SMAP1: variants seen among roughly 807,000 people sequenced by gnomAD.
SMAP1 encodes the protein small ArfGAP 1.
A neutral mutation model predicts 58.5 loss-of-function variants in SMAP1; 24 were observed. That is an observed-to-expected ratio of 0.41 (90% CI 0.30 to 0.58). The LOEUF (loss-of-function observed/expected upper bound fraction) is 0.58, where lower values mean the gene tolerates loss of function less well. SMAP1 is among the 20% of genes least tolerant of loss of function. The pLI, the probability that SMAP1 is intolerant of heterozygous loss-of-function variation, is 0.29. For missense variants in SMAP1, 563 were observed against 566.3 expected (o/e 0.99, Z 0.06); for synonymous variants, 216 against 196.6 (o/e 1.10, Z -0.82).
intron 1 of SMAP1, among the ~76,000 whole-genome samples, chr6:70,729,491 G>GTGTGTGTGTA (rs1287566747): frequency 3.3e-5 from 5 of 150,560 alleles, no homozygotes; most frequent in African/African-American, 7.3e-5. Context: ...GTGTGTGTGT[G>GTGTGTGTGTA]TGTATGTGTG....
intron 10 of SMAP1, 35 bp from the exon 11 acceptor site, chr6:70,860,165 A>G: frequency 6.4e-7 from 1 of 1,552,404 alleles, no homozygotes; most frequent in Non-Finnish European, 8.7e-7. Context: ...AAGTGAAGTA[A>G]GCCTCTTGAA....
chr6:70,746,202 A>G (rs1766025161), intron 2 of SMAP1, among the ~76,000 whole-genome samples: 1 of 152,148 alleles, frequency 6.6e-6, no homozygotes, highest in South Asian at 2.1e-4. Flanking sequence ...AGAACTTCCA[A>G]CACTATGTTG....
intron 6 of SMAP1, among the ~76,000 whole-genome samples, chr6:70,806,385 G>A (rs1376584878): frequency 6.6e-6 from 1 of 152,214 alleles, no homozygotes; most frequent in African/African-American, 2.4e-5. Context: ...TTAGGCAGGA[G>A]TGTCCCGTTT....
intron 3 of SMAP1, among the ~76,000 whole-genome samples, chr6:70,766,194 C>T (rs1406098881): frequency 6.6e-6 from 1 of 152,022 alleles, no homozygotes; most frequent in Non-Finnish European, 1.5e-5. Flanking sequence ...TGAATAGTGC[C>T]ACAATAAACA....
chr6:70,800,317 A>G (rs1768789423), intron 6 of SMAP1, among the ~76,000 whole-genome samples: 1 of 152,076 alleles, frequency 6.6e-6, no homozygotes, highest in Non-Finnish European at 1.5e-5. Context: ...GAAGGGAATA[A>G]AAAACAAAAA....
At chr6:70,797,620 C>G (rs1168805819) in intron 5 of SMAP1, among the ~76,000 whole-genome samples, 1 of 152,120 alleles carries the variant, frequency 6.6e-6, no homozygotes, top group African/African-American at 2.4e-5. Flanking sequence ...ATTTCTCTCA[C>G]ATTATGGCCT....
chr6:70,746,357 A>C (rs529722303), intron 2 of SMAP1, among the ~76,000 whole-genome samples: 1 of 152,264 alleles, frequency 6.6e-6, no homozygotes, highest in East Asian at 1.9e-4. Flanking sequence ...ATCAATACCT[A>C]GTTTATTGAG....
intron 1 of SMAP1, among the ~76,000 whole-genome samples, chr6:70,685,018 G>A (rs920141069): frequency 1.3e-5 from 2 of 152,162 alleles, no homozygotes; most frequent in African/African-American, 4.8e-5. Flanking sequence ...CATGTAGAAT[G>A]GTAATACCTG....
chr6:70,788,971 C>G (rs1200400976), intron 4 of SMAP1, among the ~76,000 whole-genome samples: 1 of 152,102 alleles, frequency 6.6e-6, no homozygotes, highest in Admixed American at 6.6e-5. Flanking sequence ...TGATGATTTC[C>G]TACTAGAGAT....
intron 4 of SMAP1, 120 bp from the exon 5 acceptor site, chr6:70,791,569 A>T: frequency 1.5e-6 from 1 of 671,578 alleles, no homozygotes; most frequent in Non-Finnish European, 2.5e-6. Context: ...CTTTATTAAC[A>T]TGCCTCTAAG....
chr6:70,860,447 A>T lies in SMAP1; in HGVS notation c.*113A>T. 8.0e-7 allele frequency: 1 copy of T among 1,256,924 alleles called. No homozygotes were observed. Among genetic ancestry groups the T allele is most frequent in the Non-Finnish European group, 1.1e-6 (1 of 922,036 alleles). The allele number at this position is 1,256,924 out of a possible 1,614,324, so 77.9% of individuals were successfully genotyped here. On this transcript the variant is annotated 3_prime_UTR_variant, in exon 11 of 11. Transcript: ENST00000370455. ...TTTTTTTCTTTTTACCCATTTGTTC[A>T]TATTAAGAATGATCTGATTGACCGT...
chr6:70,857,980 G>A lies in SMAP1; in HGVS notation c.1020G>A (p.Gln340=). Residue 340 remains glutamine (Q), a synonymous_variant, in exon 10 of 11, where the codon CAG becomes CAA. Transcript: ENST00000370455. ...PFTSQAPAAF[Q]GFPSMGVPVP... The stretch of plus-strand genomic sequence containing the variant: ...CCTCACAAGCACCAGCTGCATTTCA[G>A]GGCTTTCCATCGATGGGCGTGCCTG... The A allele has an allele frequency of 6.2e-7, 1 of 1,614,124 alleles. No individual in the cohort carries two copies. The highest frequency in any genetic ancestry group is 8.5e-7 in the Non-Finnish European group (1 of 1,180,004).
intron 3 of SMAP1, among the ~76,000 whole-genome samples, chr6:70,760,883 A>G (rs940205580): frequency 4.6e-5 from 7 of 152,088 alleles, no homozygotes; most frequent in African/African-American, 1.4e-4. Flanking sequence ...GGTTAATTAT[A>G]GGCTGCATGT....
At chr6:70,775,476 C>G (rs1423270345) in intron 4 of SMAP1, among the ~76,000 whole-genome samples, 1 of 151,962 alleles carries the variant, frequency 6.6e-6, no homozygotes, top group Non-Finnish European at 1.5e-5. Flanking sequence ...GTAAAAATTC[C>G]TTCATTTATA....
chr6:70,711,185 A>G (rs547540484), intron 1 of SMAP1, among the ~76,000 whole-genome samples: 67 of 152,336 alleles, frequency 4.4e-4, no homozygotes, highest in African/African-American at 1.5e-3. Context: ...TATCAAGTAC[A>G]TAATTGTGTG....
At chr6:70,703,773 T>C (rs1026618283) in intron 1 of SMAP1, among the ~76,000 whole-genome samples, 1 of 152,204 alleles carries the variant, frequency 6.6e-6, no homozygotes, top group Non-Finnish European at 1.5e-5. Flanking sequence ...TCTCCTCTTG[T>C]ATGCTGCCTT....
intron 6 of SMAP1, among the ~76,000 whole-genome samples, chr6:70,836,324 C>A (rs976712011): frequency 6.6e-6 from 1 of 152,018 alleles, no homozygotes; most frequent in Non-Finnish European, 1.5e-5. Context: ...AGGGAAACTA[C>A]CCCTTATAAT....
intron 1 of SMAP1, among the ~76,000 whole-genome samples, chr6:70,703,335 A>C (rs1367982608): frequency 6.6e-6 from 1 of 152,152 alleles, no homozygotes; most frequent in Admixed American, 6.5e-5. Flanking sequence ...CGGCCTCCCA[A>C]AGTGGTGGGA....
chr6:70,734,330 G>T (rs1234553451), intron 2 of SMAP1, among the ~76,000 whole-genome samples: 2 of 152,160 alleles, frequency 1.3e-5, no homozygotes, highest in Non-Finnish European at 2.9e-5. Flanking sequence ...ATTTTTATTA[G>T]AGGTGGGGTT....
Sources: allele counts gnomAD v4.1 joint callset (sites outside exome capture counted in the v4.1 genomes callset), GRCh38; gene constraint gnomAD v4.1.1; transcripts MANE v1.5; gene names NCBI Gene and HGNC (gene_info 2026-07-23, HGNC 2026-07-21).